The following EGFLAM variants were observed in gnomAD, a reference collection of about 807,000 sequenced individuals.
EGFLAM encodes the protein pikachurin.
A neutral mutation model predicts 113.1 loss-of-function variants in EGFLAM; 79 were observed. The observed-to-expected ratio is 0.70, with a 90% CI of 0.58 to 0.84. The LOEUF (loss-of-function observed/expected upper bound fraction) is 0.84, where lower values mean the gene tolerates loss of function less well. EGFLAM is among the 40% of genes least tolerant of loss of function. EGFLAM has a pLI of 0.00. For synonymous variants in EGFLAM, 504 were observed against 487.6 expected (o/e 1.03, Z -0.44); for missense variants, 1,265 against 1,291.6 (o/e 0.98, Z 0.32).
intron 1 of EGFLAM, among the ~76,000 whole-genome samples, chr5:38,302,145 G>A (rs1180209819): frequency 6.6e-6 from 1 of 151,512 alleles, no homozygotes; most frequent in African/African-American, 2.4e-5. Context: ...GTTGAGGCAG[G>A]AGATTCATTT....
At chr5:38,372,950 C>T in intron 6 of EGFLAM, among the ~76,000 whole-genome samples, 1 of 152,032 alleles carries the variant, frequency 6.6e-6, no homozygotes, top group Non-Finnish European at 1.5e-5. Flanking sequence ...ATGATTTTCC[C>T]ATACATAAAA....
intron 20 of EGFLAM, among the ~76,000 whole-genome samples, chr5:38,461,503 T>C (rs969178070): frequency 2.6e-5 from 4 of 152,118 alleles, no homozygotes; most frequent in African/African-American, 9.7e-5. Context: ...TGGAATATTT[T>C]AGAGTAATTA....
chr5:38,418,687 G>A (rs549295285), intron 12 of EGFLAM, among the ~76,000 whole-genome samples: 5 of 152,282 alleles, frequency 3.3e-5, no homozygotes, highest in African/African-American at 1.2e-4. Flanking sequence ...TGATCGCTGT[G>A]CCAAACATCT....
intron 19 of EGFLAM, among the ~76,000 whole-genome samples, chr5:38,456,377 C>T (rs969497131): frequency 1.3e-5 from 2 of 152,152 alleles, no homozygotes; most frequent in Non-Finnish European, 2.9e-5. Context: ...CTCAGAACGG[C>T]CATAGATAGT....
intron 1 of EGFLAM, among the ~76,000 whole-genome samples, chr5:38,287,892 A>G (rs1374953920): frequency 4.6e-5 from 7 of 152,374 alleles, no homozygotes; most frequent in African/African-American, 1.7e-4. Context: ...TTGTTTATTT[A>G]ATTACCATAT....
At chr5:38,418,000 T>C in intron 11 of EGFLAM, 66 bp from the exon 12 acceptor site, 1 of 1,479,866 alleles carries the variant, frequency 6.8e-7, no homozygotes. Flanking sequence ...CTCATAAAAA[T>C]CTGGTGTGTT....
intron 5 of EGFLAM, among the ~76,000 whole-genome samples, chr5:38,363,780 G>A (rs1739989043): frequency 6.6e-6 from 1 of 152,186 alleles, no homozygotes; most frequent in Non-Finnish European, 1.5e-5. Flanking sequence ...GACTGTCAAA[G>A]TGGCACAAGC....
intron 17 of EGFLAM, among the ~76,000 whole-genome samples, chr5:38,442,255 A>G (rs1390139134): frequency 6.7e-6 from 1 of 149,286 alleles, no homozygotes; most frequent in Admixed American, 6.7e-5. Flanking sequence ...TCTTTAATAT[A>G]ATTTAATATA....
At chr5:38,280,238 C>T (rs1239330996) in intron 1 of EGFLAM, among the ~76,000 whole-genome samples, 1 of 152,228 alleles carries the variant, frequency 6.6e-6, no homozygotes, top group Non-Finnish European at 1.5e-5. Context: ...ACATAAATGA[C>T]TACAAATCTT....
chr5:38,447,711 G>A lies in EGFLAM; in HGVS notation c.2465-590G>A, dbSNP rs184110276. Among the ~76,000 whole-genome samples, 717 of 149,264 alleles carry A rather than the reference G, an allele frequency of 4.8e-3. 3 individuals are homozygous for A. The highest frequency in any genetic ancestry group is 0.015 in the African/African-American group (620 of 40,214). ...GTGGAAGTTGCAGTGAGCCAAGATCGCGCCATTTCACTCCAGCATGGGCAA... is the reference window on the plus strand; with the variant it reads ...GTGGAAGTTGCAGTGAGCCAAGATCACGCCATTTCACTCCAGCATGGGCAA... On this transcript the variant is annotated intron_variant, in intron 17 of 21. Transcript: ENST00000322350.
chr5:38,410,318 C>T (rs1225685220), intron 10 of EGFLAM, among the ~76,000 whole-genome samples: 1 of 152,146 alleles, frequency 6.6e-6, no homozygotes, highest in African/African-American at 2.4e-5. Flanking sequence ...TGGTTTTCAC[C>T]TTGTAGGGTC....
At chr5:38,377,127 CTTTT>C (rs35290896) in intron 6 of EGFLAM, among the ~76,000 whole-genome samples, 1 of 147,356 alleles carries the variant, frequency 6.8e-6, no homozygotes, top group African/African-American at 2.5e-5. Flanking sequence ...GTTGTGTTCT[CTTTT>C]TTTTTTTTGA....
At chr5:38,419,459 T>C (rs942264115) in intron 12 of EGFLAM, among the ~76,000 whole-genome samples, 3 of 152,322 alleles carry the variant, frequency 2.0e-5, no homozygotes, top group Middle Eastern at 3.4e-3. Context: ...TTTGAAAGAA[T>C]GCACAGTGAA....
intron 19 of EGFLAM, among the ~76,000 whole-genome samples, chr5:38,457,574 C>T (rs1186888748): frequency 6.6e-6 from 1 of 152,184 alleles, no homozygotes; most frequent in African/African-American, 2.4e-5. Flanking sequence ...TATATTGGAT[C>T]CATGGCTGCC....
chr5:38,439,423 A>C (rs770509563), intron 17 of EGFLAM, among the ~76,000 whole-genome samples: 1 of 151,988 alleles, frequency 6.6e-6, no homozygotes, highest in Non-Finnish European at 1.5e-5. Flanking sequence ...GAAATAAAGC[A>C]ATGAGCCTCT....
chr5:38,268,427 A>C (rs1757685800), intron 1 of EGFLAM, among the ~76,000 whole-genome samples: 1 of 152,150 alleles, frequency 6.6e-6, no homozygotes. Flanking sequence ...TTCTGTGCCA[A>C]ATCAGAATAT....
intron 1 of EGFLAM, among the ~76,000 whole-genome samples, chr5:38,290,154 G>A (rs1005961602): frequency 1.1e-4 from 16 of 152,146 alleles, no homozygotes; most frequent in African/African-American, 3.6e-4. Context: ...TAGAGGGTCA[G>A]TAATGTGATG....
chr5:38,349,099 T>C (rs1193597259), intron 3 of EGFLAM, among the ~76,000 whole-genome samples: 1 of 152,232 alleles, frequency 6.6e-6, no homozygotes, highest in East Asian at 1.9e-4. Flanking sequence ...AGGGATGCCC[T>C]TAATTCTTCT....
intron 9 of EGFLAM, among the ~76,000 whole-genome samples, chr5:38,408,742 A>G (rs1741374586): frequency 6.6e-6 from 1 of 152,162 alleles, no homozygotes; most frequent in Non-Finnish European, 1.5e-5. Flanking sequence ...TCCACAAAGG[A>G]CAAGTAAAGA....
Sources: allele counts gnomAD v4.1 joint callset (sites outside exome capture counted in the v4.1 genomes callset), GRCh38; gene constraint gnomAD v4.1.1; transcripts MANE v1.5; gene names NCBI Gene and HGNC (gene_info 2026-07-23, HGNC 2026-07-21).